Variants in ROBO2 observed in about 807,000 individuals in gnomAD.
The protein encoded by ROBO2 is roundabout homolog 2.
A neutral mutation model predicts 160.8 loss-of-function variants in ROBO2; 53 were observed. The ratio of observed to expected loss-of-function variants is 0.33; its 90% CI spans 0.26 to 0.41. ROBO2 has a LOEUF of 0.41. ROBO2 is among the 10% of genes least tolerant of loss of function. The pLI is 1.00. For missense variants in ROBO2, 1,577 were observed against 1,722.4 expected, an observed-to-expected ratio of 0.92 and a Z score of 1.49; for synonymous variants, 664 against 611.7, an observed-to-expected ratio of 1.09 and a Z score of -1.26.
intron 2 of ROBO2, among the ~76,000 whole-genome samples, chr3:76,857,237 G>A (rs1316981669): frequency 1.3e-5 from 2 of 152,068 alleles, no homozygotes; most frequent in African/African-American, 2.4e-5. Flanking sequence ...CGCCCGCCTC[G>A]GCCTCCCAAA....
chr3:76,032,740 G>A (rs1031259418), intron 2 of ROBO2, among the ~76,000 whole-genome samples: 2 of 152,020 alleles, frequency 1.3e-5, no homozygotes, highest in African/African-American at 4.8e-5. Context: ...TGTAATTTCT[G>A]TTCTTTTACA....
At chr3:76,436,856 G>A (rs1372259992) in intron 2 of ROBO2, among the ~76,000 whole-genome samples, 1 of 152,148 alleles carries the variant, frequency 6.6e-6, no homozygotes, top group Non-Finnish European at 1.5e-5. Context: ...TGTTAAGGTC[G>A]TAAGTGGGGT....
At chr3:77,164,145 G>A (rs369894995) in intron 2 of ROBO2, among the ~76,000 whole-genome samples, 2 of 152,142 alleles carry the variant, frequency 1.3e-5, no homozygotes, top group African/African-American at 2.4e-5. Flanking sequence ...ACTAGGTAAA[G>A]GGTGCAATTT....
At chr3:76,165,108 C>T (rs2072778421) in intron 2 of ROBO2, among the ~76,000 whole-genome samples, 2 of 152,090 alleles carry the variant, frequency 1.3e-5, no homozygotes, top group South Asian at 2.1e-4. Flanking sequence ...TGAAGCCAGA[C>T]GTTGACTTTT....
chr3:76,345,235 G>T (rs988354220), intron 2 of ROBO2, among the ~76,000 whole-genome samples: 3 of 152,092 alleles, frequency 2.0e-5, no homozygotes, highest in African/African-American at 7.2e-5. Context: ...AAACTCCTGG[G>T]TGAATCTCTG....
intron 2 of ROBO2, among the ~76,000 whole-genome samples, chr3:76,095,912 T>C (rs1301661756): frequency 1.3e-5 from 2 of 152,128 alleles, no homozygotes; most frequent in Admixed American, 6.6e-5. Flanking sequence ...TTTGAAGATA[T>C]TGATGACATT....
At chr3:77,004,104 C>T (rs1045179343) in intron 2 of ROBO2, among the ~76,000 whole-genome samples, 1 of 152,040 alleles carries the variant, frequency 6.6e-6, no homozygotes, top group Admixed American at 6.6e-5. Flanking sequence ...TTATCTGAAT[C>T]AAAGATAATT....
intron 6 of ROBO2, among the ~76,000 whole-genome samples, chr3:77,531,133 T>C (rs1309811397): frequency 6.6e-6 from 1 of 151,994 alleles, no homozygotes; most frequent in African/African-American, 2.4e-5. Context: ...GCTGATTGCC[T>C]GGAGTATAAA....
intron 2 of ROBO2, among the ~76,000 whole-genome samples, chr3:76,671,854 T>C (rs1410198928): frequency 6.6e-6 from 1 of 152,080 alleles, no homozygotes; most frequent in Non-Finnish European, 1.5e-5. Flanking sequence ...GTAAATGCTA[T>C]ACTATTTTTT....
At chr3:76,433,397 T>G in intron 2 of ROBO2, among the ~76,000 whole-genome samples, 1 of 152,220 alleles carries the variant, frequency 6.6e-6, no homozygotes, top group East Asian at 1.9e-4. Flanking sequence ...AATAAACTTT[T>G]ATTTATCTTA....
At chr3:76,765,767 G>T (rs181013093) in intron 2 of ROBO2, among the ~76,000 whole-genome samples, 2 of 151,734 alleles carry the variant, frequency 1.3e-5, no homozygotes, top group Admixed American at 6.6e-5. Context: ...ATCAGCTGAC[G>T]TCTGATTACT....
chr3:76,668,480 T>C (rs2092140046), intron 2 of ROBO2, among the ~76,000 whole-genome samples: 1 of 152,082 alleles, frequency 6.6e-6, no homozygotes, highest in South Asian at 2.1e-4. Context: ...TAAAACTTGT[T>C]AGATCTGGAT....
intron 5 of ROBO2, among the ~76,000 whole-genome samples, chr3:77,510,756 G>T (rs2153615457): frequency 6.6e-6 from 1 of 152,066 alleles, no homozygotes. Flanking sequence ...TTTTGTTTTG[G>T]TTTGCTGTAT....
chr3:76,652,661 C>A (rs2091307962), intron 2 of ROBO2, among the ~76,000 whole-genome samples: 1 of 151,622 alleles, frequency 6.6e-6, no homozygotes, highest in Admixed American at 6.6e-5. Flanking sequence ...TTTTTGTAAT[C>A]CAACTTTTCT....
chr3:76,146,697 G>GGTGTGTGTGTGTGTGT (rs139527329), intron 2 of ROBO2, among the ~76,000 whole-genome samples: 1 of 136,440 alleles, frequency 7.3e-6, no homozygotes, highest in African/African-American at 2.7e-5. Flanking sequence ...GATTACATAG[G>GGTGTGTGTGTGTGTGT]GTGTGTGTGT....
intron 2 of ROBO2, among the ~76,000 whole-genome samples, chr3:75,998,473 A>G (rs2065791674): frequency 6.6e-6 from 1 of 152,166 alleles, no homozygotes; most frequent in African/African-American, 2.4e-5. Flanking sequence ...TAATGGTTGG[A>G]GAATAAGAGG....
intron 2 of ROBO2, among the ~76,000 whole-genome samples, chr3:76,871,153 T>A (rs1260863625): frequency 1.3e-5 from 2 of 152,218 alleles, no homozygotes; most frequent in African/African-American, 4.8e-5. Context: ...CTAAATGATT[T>A]CGTCATCACT....
intron 2 of ROBO2, among the ~76,000 whole-genome samples, chr3:77,176,168 A>G (rs1385090359): frequency 6.6e-6 from 1 of 152,024 alleles, no homozygotes; most frequent in Non-Finnish European, 1.5e-5. Context: ...AGGGAATTCT[A>G]AGAAGCAAGA....
intron 2 of ROBO2, among the ~76,000 whole-genome samples, chr3:76,393,461 A>C (rs2077258649): frequency 1.3e-5 from 2 of 152,194 alleles, no homozygotes; most frequent in South Asian, 4.1e-4. Context: ...TGGGGAATTA[A>C]ATAGCATTGT....
Sources: gnomAD v4.1 joint callset for allele counts (sites outside exome capture counted in the v4.1 genomes callset) on GRCh38, gnomAD v4.1.1 for gene constraint, MANE v1.5 for transcripts, NCBI Gene and HGNC (gene_info 2026-07-23, HGNC 2026-07-21) for gene names.